DCAF8: variants seen among roughly 807,000 people sequenced by gnomAD.
DCAF8 encodes the protein DDB1- and CUL4-associated factor 8.
DCAF8 carries 20 observed loss-of-function variants against 68.0 expected under a neutral mutation model. The ratio of observed to expected loss-of-function variants is 0.29; its 90% confidence interval spans 0.21 to 0.43. The LOEUF (loss-of-function observed/expected upper bound fraction) is 0.43. Among genes scored for constraint, DCAF8 ranks in the 20% least tolerant of loss-of-function variants. DCAF8 has a pLI of 1.00. For missense variants in DCAF8, 460 were observed against 771.0 expected, an observed-to-expected ratio of 0.60 and a Z score of 4.78; for synonymous variants, 230 against 276.9, an observed-to-expected ratio of 0.83 and a Z score of 1.68.
At chr1:160,247,212 A>G (rs2101754292) in intron 2 of DCAF8, among the ~76,000 whole-genome samples, 1 of 152,338 alleles carries the variant, frequency 6.6e-6, no homozygotes, top group Non-Finnish European at 1.5e-5. Context: ...TAATTAGATT[A>G]GCTCCACTGT....
At chr1:160,256,775 C>A (rs530245422) in intron 2 of DCAF8, among the ~76,000 whole-genome samples, 1 of 152,274 alleles carries the variant, frequency 6.6e-6, no homozygotes, top group African/African-American at 2.4e-5. Flanking sequence ...CTCCCCAATG[C>A]CCTATTGGCA....
At chr1:160,245,410 TTTCATTCCCATGACAA>T (rs1656281738) in intron 2 of DCAF8, among the ~76,000 whole-genome samples, 1 of 152,228 alleles carries the variant, frequency 6.6e-6, no homozygotes, top group Non-Finnish European at 1.5e-5. Flanking sequence ...TCAACAGCCC[TTTCATTCCCATGACAA>T]TTATTCCAGA....
chr1:160,255,509 A>G (rs1416114867), intron 2 of DCAF8, among the ~76,000 whole-genome samples: 3 of 152,246 alleles, frequency 2.0e-5, no homozygotes, highest in Admixed American at 1.3e-4. Flanking sequence ...AATGATGAGG[A>G]TTCAAACTAT....
chr1:160,228,232 T>C (rs1282157600), intron 7 of DCAF8, among the ~76,000 whole-genome samples: 1 of 152,052 alleles, frequency 6.6e-6, no homozygotes, highest in African/African-American at 2.4e-5. Context: ...CCAAGCCCCT[T>C]GACATTTTAA....
chr1:160,252,394 A>G (rs1334046536), intron 2 of DCAF8, among the ~76,000 whole-genome samples: 1 of 152,250 alleles, frequency 6.6e-6, no homozygotes, highest in Admixed American at 6.5e-5. Flanking sequence ...ATGGGCTTTA[A>G]AAGACAGGCA....
chr1:160,225,670 T>C lies in DCAF8; in HGVS notation c.1071-7A>G. 1.2e-6 allele frequency: 2 copies of C among 1,610,288 alleles called. No individual in the cohort carries two copies. The highest frequency in any genetic ancestry group is 1.7e-6 in the Non-Finnish European group (2 of 1,177,086). On this transcript the variant is annotated splice_polypyrimidine_tract_variant and splice_region_variant and intron_variant, in intron 7 of 13. Coordinates refer to ENST00000368074, the MANE Select transcript of DCAF8 (RefSeq NM_015726.4). Reference sequence around the variant, plus strand: ...TTTCCTCTGGTCATAAATCCTACAGTTGGAAAAGCAATGAAAATGTAAAAA... The same window carrying C: ...TTTCCTCTGGTCATAAATCCTACAGCTGGAAAAGCAATGAAAATGTAAAAA...
At chr1:160,219,960 T>A (rs541088621) in intron 11 of DCAF8, 12 of 152,356 alleles carry the variant, frequency 7.9e-5, no homozygotes, top group Admixed American at 4.6e-4. Flanking sequence ...TTCTTTTAGT[T>A]CTCTCTGGAC....
In DCAF8 at chr1:160,248,443, C is replaced by G. The variant is rs571715438; in HGVS notation, c.-26-4409G>C. On this transcript the variant is annotated intron_variant, in intron 2 of 13. Transcript: ENST00000368074. ...ACCAGAATATCCTTTAAAACTGTCG[C>G]AACAGGCTGGGGCTGGGCGTGGAGG... Among the ~76,000 whole-genome samples, 10 of 152,174 alleles carry G rather than the reference C, an allele frequency of 6.6e-5. No individual in the cohort carries two copies. The South Asian group carries it at 2.1e-3, about 32-fold the overall frequency.
chr1:160,224,683 A>C (rs1402397692), intron 9 of DCAF8, 134 bp from the exon 10 acceptor site: 1 of 685,560 alleles, frequency 1.5e-6, no homozygotes, highest in Non-Finnish European at 2.6e-6. Context: ...TCTTATTTGG[A>C]ACACCAGGCA....
intron 3 of DCAF8, 48 bp from the exon 4 acceptor site, chr1:160,240,418 C>A: frequency 6.6e-7 from 1 of 1,517,196 alleles, no homozygotes; most frequent in Middle Eastern, 2.4e-4. Context: ...AATAAGAAAA[C>A]AGGATAGTGA....
At position 160,243,941 on chromosome 1, in the gene DCAF8, C is replaced by T. The variant is rs1230005908; in HGVS notation, c.49+19G>A. The T allele has an allele frequency of 6.2e-7, 1 of 1,613,422 alleles. No homozygotes were observed. Among genetic ancestry groups the T allele is most frequent in the African/African-American group, 1.3e-5 (1 of 75,014 alleles). On this transcript the variant is annotated intron_variant, in intron 3 of 13. Transcript: ENST00000368074. ...CAGTTGATAGTAAAAATAGCTTCAC[C>T]TTCATTTTGGCCCCTTACCATTAGC... is the stretch of plus-strand genomic sequence containing the variant.
At chr1:160,240,934 G>C (rs969730308) in intron 3 of DCAF8, among the ~76,000 whole-genome samples, 1 of 152,148 alleles carries the variant, frequency 6.6e-6, no homozygotes, top group African/African-American at 2.4e-5. Flanking sequence ...GGAGGCCGAG[G>C]CACGTGGATC....
chr1:160,240,065 G>T lies in DCAF8; in HGVS notation c.355C>A (p.Gln119Lys), dbSNP rs764122154. Residue 119 changes from glutamine (Q) to lysine (K), a missense_variant, in exon 4 of 14, where the codon CAG (glutamine) becomes AAG (lysine). This residue lies in a region of DCAF8 where 156 missense variants were observed against 181.4 expected (regional missense o/e 0.86). Coordinates refer to ENST00000368074, the MANE Select transcript of DCAF8 (RefSeq NM_015726.4). ...EEEEQPRRRVQRKRANRDQDS... is the reference protein window; with the variant it reads ...EEEEQPRRRVKRKRANRDQDS... ...TGGTCACGGTTAGCCCGCTTGCGCT[G>T]TACACGGCGCCGAGGCTGCTCTTCT... 12 of 1,614,244 alleles carry T rather than the reference G, an allele frequency of 7.4e-6. No homozygotes were observed. Among genetic ancestry groups the T allele is most frequent in the Non-Finnish European group, 9.3e-6 (11 of 1,180,036 alleles).
intron 2 of DCAF8, among the ~76,000 whole-genome samples, chr1:160,253,374 C>G (rs766259418): frequency 6.6e-6 from 1 of 151,722 alleles, no homozygotes; most frequent in East Asian, 1.9e-4. Context: ...CAGTGGCTGA[C>G]GTCTAAGTGA....
intron 7 of DCAF8, among the ~76,000 whole-genome samples, chr1:160,226,776 C>T (rs865989662): frequency 6.6e-6 from 1 of 152,168 alleles, no homozygotes; most frequent in Admixed American, 6.5e-5. Flanking sequence ...ATTCACTTCT[C>T]AGTCCATCCT....
chr1:160,262,238 G>A (rs571869268), intron 1 of DCAF8: 5 of 398,170 alleles, frequency 1.3e-5, no homozygotes, highest in Middle Eastern at 6.3e-4. Context: ...GCTGGGAAGC[G>A]AGGGGGGGCG....
At chr1:160,243,841 A>G in intron 3 of DCAF8, 119 bp downstream of exon 3, 1 of 960,644 alleles carries the variant, frequency 1.0e-6, no homozygotes, top group Non-Finnish European at 1.6e-6. Context: ...CTAAACTCAG[A>G]ACAACACAGG....
chr1:160,251,822 C>T (rs1462046691), intron 2 of DCAF8, among the ~76,000 whole-genome samples: 1 of 152,128 alleles, frequency 6.6e-6, no homozygotes, highest in Non-Finnish European at 1.5e-5. Flanking sequence ...AAGGATGACC[C>T]CAAAGAGGCT....
Position 160,217,555 on chromosome 1 carries a change from T to C in DCAF8, c.*37A>G, listed in dbSNP as rs527477659. ...AAAGGGTTGCCCAGGCAGGATCAGG[T>C]TGGCAGCCCCAGCCTGCCCCACCTA... On this transcript the variant is annotated 3_prime_UTR_variant, in exon 14 of 14. Transcript: ENST00000368074. 177 of 1,515,046 alleles carry C rather than the reference T, an allele frequency of 1.2e-4. 3 individuals carry two copies. In the South Asian group the frequency reaches 1.3e-3, roughly 11 times the overall value. 93.9% of individuals were successfully genotyped at this position (1,515,046 alleles called of 1,614,324 possible).
Sources: gnomAD v4.1 joint callset for allele counts (sites outside exome capture counted in the v4.1 genomes callset) on GRCh38, gnomAD v4.1.1 for gene constraint, gnomAD v4.1.1 regional missense constraint, MANE v1.5 for transcripts, NCBI Gene and HGNC (gene_info 2026-07-23, HGNC 2026-07-21) for gene names.